The following GAB1 variants were observed in gnomAD, a reference collection of about 807,000 sequenced individuals.
GAB1 encodes the protein GRB2 associated binding protein 1.
GAB1 carries 19 observed loss-of-function variants against 66.5 expected under a neutral mutation model. That is an observed-to-expected ratio of 0.29 (90% CI 0.20 to 0.42). GAB1 has a LOEUF of 0.42. GAB1 is among the 10% of genes least tolerant of loss of function. GAB1 has a pLI of 1.00. For missense variants in GAB1, 732 were observed against 858.5 expected (o/e 0.85, Z 1.84); for synonymous variants, 294 against 301.4 (o/e 0.98, Z 0.25).
At chr4:143,446,996 T>A (rs964688709) in intron 6 of GAB1, among the ~76,000 whole-genome samples, 22 of 152,272 alleles carry the variant, frequency 1.4e-4, no homozygotes, top group Middle Eastern at 3.4e-3. Context: ...GGGATCCAGT[T>A]TCAGCTTTCT....
At chr4:143,422,490 G>A (rs1733081412) in intron 2 of GAB1, among the ~76,000 whole-genome samples, 1 of 152,178 alleles carries the variant, frequency 6.6e-6, no homozygotes, top group Non-Finnish European at 1.5e-5. Flanking sequence ...ATCACATCAA[G>A]TTTGAAACGT....
rs367964738 is a variant in GAB1, at chr4:143,433,763, G to A, written c.593+47G>A. On this transcript the variant is annotated intron_variant, in intron 3 of 9. Transcript: ENST00000262994. ...GAGAGAGAGACAGAGGCGTGTGTAT[G>A]TGTGTACACACTGAGATTCTTACCT... is the stretch of plus-strand genomic sequence containing the variant. 1.5e-4 allele frequency: 209 copies of A among 1,372,778 alleles called. 3 individuals carry two copies. The South Asian group carries it at 1.9e-3, about 12-fold the overall frequency. The allele number at this position is 1,372,778 out of a possible 1,614,324, so 85.0% of individuals were successfully genotyped here. A position where few individuals can be genotyped will look rare whatever the true frequency, so the allele number is the denominator to read the frequency against.
chr4:143,442,683 G>A (rs1427446038), intron 6 of GAB1, among the ~76,000 whole-genome samples: 1 of 151,950 alleles, frequency 6.6e-6, no homozygotes, highest in Non-Finnish European at 1.5e-5. Context: ...TTTAGTGAAA[G>A]TACTATTATT....
chr4:143,392,400 C>G (rs1302113540), intron 1 of GAB1, among the ~76,000 whole-genome samples: 1 of 152,140 alleles, frequency 6.6e-6, no homozygotes, highest in African/African-American at 2.4e-5. Context: ...GCTTAAATTT[C>G]TACTTTCTGA....
chr4:143,400,988 A>G (rs1235814034), intron 1 of GAB1, among the ~76,000 whole-genome samples: 2 of 151,164 alleles, frequency 1.3e-5, no homozygotes, highest in Non-Finnish European at 2.9e-5. Flanking sequence ...AAAAAAAGTC[A>G]TTGCTTTGCC....
intron 1 of GAB1, among the ~76,000 whole-genome samples, chr4:143,400,773 G>A (rs926621859): frequency 2.0e-5 from 3 of 152,086 alleles, no homozygotes; most frequent in Admixed American, 6.5e-5. Flanking sequence ...TTCAAGAGCA[G>A]CCTGGCCAAC....
At chr4:143,457,404 C>T (rs963104772) in intron 6 of GAB1, among the ~76,000 whole-genome samples, 1 of 152,114 alleles carries the variant, frequency 6.6e-6, no homozygotes, top group Non-Finnish European at 1.5e-5. Flanking sequence ...TAACAACTAA[C>T]CAGGCTGGTT....
At position 143,472,334 on chromosome 4, in the gene GAB1, CTACTT is replaced by C. The variant is rs1276147861; in HGVS notation, c.*3151_*3155del. 8.6e-5 allele frequency: 13 copies of C among 152,010 alleles called. No individual in the cohort carries two copies. Among genetic ancestry groups the C allele is most frequent in the African/African-American group, 2.4e-4 (10 of 41,390 alleles). 9.4% of individuals were successfully genotyped at this position (152,010 alleles called of 1,614,324 possible). A position where few individuals can be genotyped will look rare whatever the true frequency, so the allele number is the denominator to read the frequency against. On this transcript the variant is annotated 3_prime_UTR_variant, in exon 10 of 10. Coordinates refer to ENST00000262994, the MANE Select transcript of GAB1 (RefSeq NM_002039.4). ...CTAAATTTAATTTGATATAGAAATA[CTACTT>C]TACTTGTACATTAAGGTCATAATTT...
chr4:143,411,886 G>C (rs1331553760), intron 1 of GAB1, among the ~76,000 whole-genome samples: 1 of 152,138 alleles, frequency 6.6e-6, no homozygotes, highest in South Asian at 2.1e-4. Context: ...GATTCAATGA[G>C]GGTGACTCAT....
chr4:143,340,130 T>G (rs1728779078), intron 1 of GAB1, among the ~76,000 whole-genome samples: 1 of 152,240 alleles, frequency 6.6e-6, no homozygotes, highest in South Asian at 2.1e-4. Context: ...TGCTGTCCAG[T>G]TTAGATGGTT....
At chr4:143,430,564 G>A (rs577366738) in intron 2 of GAB1, among the ~76,000 whole-genome samples, 1 of 152,158 alleles carries the variant, frequency 6.6e-6, no homozygotes, top group Admixed American at 6.5e-5. Context: ...TTTGATTTTG[G>A]GAAGCCTGTT....
intron 2 of GAB1, among the ~76,000 whole-genome samples, chr4:143,426,444 AG>A (rs112258594): frequency 2.0e-4 from 31 of 152,198 alleles, no homozygotes; most frequent in Middle Eastern, 3.4e-3. Flanking sequence ...CCAGCTACGT[AG>A]GAGGGGAGGA....
rs1302655466 is a variant in GAB1, at chr4:143,469,353, C to T, written c.*164C>T. ...TCAAGCAATTTAGACTTAAGTGGTG[C>T]TTTGTGGTATCTGAACAATTCATAA... On this transcript the variant is annotated 3_prime_UTR_variant, in exon 10 of 10. Coordinates refer to ENST00000262994, the MANE Select transcript of GAB1 (RefSeq NM_002039.4). 3 of 636,874 alleles carry T rather than the reference C, an allele frequency of 4.7e-6. No homozygotes were observed. The highest frequency in any genetic ancestry group is 4.2e-5 in the South Asian group (2 of 47,674). 39.5% of individuals were successfully genotyped at this position (636,874 alleles called of 1,614,324 possible).
intron 1 of GAB1, among the ~76,000 whole-genome samples, chr4:143,390,236 A>G (rs1019828185): frequency 6.6e-6 from 1 of 152,130 alleles, no homozygotes; most frequent in African/African-American, 2.4e-5. Context: ...TTGGAGTTTA[A>G]CACAAATTTA....
intron 1 of GAB1, among the ~76,000 whole-genome samples, chr4:143,378,622 C>A (rs1168461310): frequency 7.4e-6 from 1 of 134,258 alleles, no homozygotes; most frequent in Non-Finnish European, 1.6e-5. Context: ...ATTGGAACTT[C>A]CAAAGTGTCT....
intron 3 of GAB1, chr4:143,434,111 A>G: frequency 7.7e-7 from 1 of 1,293,398 alleles, no homozygotes; most frequent in Non-Finnish European, 1.0e-6. Context: ...TTTGTTTCTG[A>G]AGAAGGAGAG....
chr4:143,343,061 G>A (rs1210179286), intron 1 of GAB1, among the ~76,000 whole-genome samples: 2 of 152,168 alleles, frequency 1.3e-5, no homozygotes, highest in African/African-American at 4.8e-5. Flanking sequence ...CTCAGACTGA[G>A]TGTCAGGACC....
intron 1 of GAB1, among the ~76,000 whole-genome samples, chr4:143,358,578 TA>T (rs1729538080): frequency 6.6e-6 from 1 of 152,174 alleles, no homozygotes; most frequent in Non-Finnish European, 1.5e-5. Flanking sequence ...CACATGAAAC[TA>T]AAACAATTTA....
intron 1 of GAB1, among the ~76,000 whole-genome samples, chr4:143,405,783 C>G (rs999444270): frequency 2.8e-4 from 43 of 152,222 alleles, no homozygotes; most frequent in African/African-American, 1.0e-3. Flanking sequence ...CTGTGGACAT[C>G]TTGGAGTAGT....
Sources: allele counts gnomAD v4.1 joint callset (sites outside exome capture counted in the v4.1 genomes callset), GRCh38; gene constraint gnomAD v4.1.1; transcripts MANE v1.5; gene names NCBI Gene and HGNC (gene_info 2026-07-23, HGNC 2026-07-21).